LRRC38: variants seen among roughly 807,000 people sequenced by gnomAD.
LRRC38 encodes leucine rich repeat containing 38.
A neutral mutation model predicts 16.4 loss-of-function variants in LRRC38; 5 were observed. The observed-to-expected ratio is 0.31, with a 90% CI of 0.16 to 0.64. LRRC38 has a LOEUF of 0.64. Ranked by LOEUF, LRRC38 falls within the 30% of genes least tolerant of loss-of-function variation. The probability of loss-of-function intolerance (pLI) is 0.80; values close to 1 mark genes in which losing one functional copy is unlikely to be tolerated. For synonymous variants in LRRC38, 191 were observed against 190.2 expected (o/e 1.00, Z -0.04); for missense variants, 341 against 401.8 (o/e 0.85, Z 1.29).
chr1:13,504,917 C>T (rs1017866891), intron 1 of LRRC38, among the ~76,000 whole-genome samples: 2 of 151,956 alleles, frequency 1.3e-5, no homozygotes, highest in Non-Finnish European at 2.9e-5. Context: ...GTATGAGAAG[C>T]GGAGACAAGC....
At position 13,487,801 on chromosome 1, in the gene LRRC38, A is replaced by G. The variant is rs1435023577; in HGVS notation, c.632-11702T>C. On this transcript the variant is annotated intron_variant, in intron 1 of 1. Transcript: ENST00000376085. The surrounding 1 kb of genome is among the most constrained non-coding windows in gnomAD (Gnocchi z 4.4). ...TGCCAACAAACAGGCCTGCAGCCAG[A>G]GGATCTCTCAGGCCCTTTCCCCTGA... Among the ~76,000 whole-genome samples, 1 of 152,228 alleles carries G rather than the reference A, an allele frequency of 6.6e-6. No homozygotes were observed. Among genetic ancestry groups the G allele is most frequent in the Non-Finnish European group, 1.5e-5 (1 of 68,038 alleles).
In LRRC38 at chr1:13,513,401, C is replaced by T. The variant is rs1639300388; in HGVS notation, c.193G>A (p.Gly65Ser). Residue 65 changes from glycine to serine, a missense_variant, in exon 1 of 2, where the codon GGC becomes AGC. Coordinates refer to ENST00000376085, the MANE Select transcript of LRRC38 (RefSeq NM_001010847.2). ...TCGGGGATCCGCTGGATGCGGTTGC[C>T]GGCCACCAGCAGCTTGCGCACGTCC... is the stretch of plus-strand genomic sequence containing the variant. ...PLDVRKLLVAGNRIQRIPEDF... is the reference protein window; with the variant it reads ...PLDVRKLLVASNRIQRIPEDF... 3.9e-6 allele frequency: 6 copies of T among 1,550,418 alleles called. No homozygotes were observed. In the South Asian group the frequency reaches 5.9e-5, roughly 15 times the overall value.
At chr1:13,505,176 C>T (rs757805726) in intron 1 of LRRC38, among the ~76,000 whole-genome samples, 5 of 152,348 alleles carry the variant, frequency 3.3e-5, no homozygotes, top group South Asian at 2.1e-4. Context: ...CAGCCACTCC[C>T]GCTGTGCTTA....
rs147377632 is a variant in LRRC38, at chr1:13,509,196, C to T, written c.631+3767G>A. 2.1e-4 allele frequency among the ~76,000 whole-genome samples: 32 copies of T among 152,220 alleles called. No individual in the cohort carries two copies. The East Asian group carries it at 3.9e-3, about 18-fold the overall frequency. On this transcript the variant is annotated intron_variant, in intron 1 of 1. Coordinates refer to ENST00000376085, the MANE Select transcript of LRRC38 (RefSeq NM_001010847.2). ...GCCTTGCCCTCCCTACACCTCCATGCGTCAAGGTTGTAGAGCGAGAGAATC... is the reference window on the plus strand; with the variant it reads ...GCCTTGCCCTCCCTACACCTCCATGTGTCAAGGTTGTAGAGCGAGAGAATC...
chr1:13,504,800 CAGAG>C (rs1181737331), intron 1 of LRRC38, among the ~76,000 whole-genome samples: 7 of 107,804 alleles, frequency 6.5e-5, no homozygotes, highest in African/African-American at 2.6e-4. Flanking sequence ...AAAGAAGAGA[CAGAG>C]AGAAAGAAAG....
intron 1 of LRRC38, among the ~76,000 whole-genome samples, chr1:13,491,832 C>T (rs1185955896): frequency 2.6e-5 from 4 of 152,074 alleles, no homozygotes; most frequent in Admixed American, 6.6e-5. Context: ...TGTGCCACCA[C>T]GCCCAGCTAA....
chr1:13,496,187 T>G (rs60279084), intron 1 of LRRC38, among the ~76,000 whole-genome samples: 5,882 of 151,652 alleles, frequency 0.039, 408 homozygotes, highest in African/African-American at 0.13. Flanking sequence ...GAGAGAGAGA[T>G]AGAGTGTCTC....
intron 1 of LRRC38, among the ~76,000 whole-genome samples, chr1:13,510,477 C>A (rs1199308563): frequency 1.3e-5 from 2 of 152,154 alleles, no homozygotes; most frequent in African/African-American, 4.8e-5. Flanking sequence ...CCCTTTTAAT[C>A]CTCCTAACAA....
rs1024474878 is a variant in LRRC38, at chr1:13,499,983, T to G, written c.631+12980A>C. On this transcript the variant is annotated intron_variant, in intron 1 of 1. Coordinates refer to ENST00000376085, the MANE Select transcript of LRRC38 (RefSeq NM_001010847.2). ...CTACAAAGATTGGCTGGGCTTGGTCTCTCATGCCTGTAATCCCAGCACTTT... is the reference window on the plus strand; with the variant it reads ...CTACAAAGATTGGCTGGGCTTGGTCGCTCATGCCTGTAATCCCAGCACTTT... Among the ~76,000 whole-genome samples, 5 of 152,170 alleles carry G rather than the reference T, an allele frequency of 3.3e-5. 1 individual carries two copies. The South Asian group carries it at 1.0e-3, about 32-fold the overall frequency.
intron 1 of LRRC38, among the ~76,000 whole-genome samples, chr1:13,478,036 T>G (rs1446102630): frequency 6.6e-6 from 1 of 152,130 alleles, no homozygotes; most frequent in Admixed American, 6.6e-5. Flanking sequence ...ACCAAAGAAA[T>G]AGCTTATGTG....
intron 1 of LRRC38, among the ~76,000 whole-genome samples, chr1:13,480,600 C>A (rs1341026441): frequency 1.3e-5 from 2 of 152,150 alleles, no homozygotes; most frequent in African/African-American, 4.8e-5. Flanking sequence ...AATTGAATCA[C>A]GGGGTTGGTA....
intron 1 of LRRC38, among the ~76,000 whole-genome samples, chr1:13,497,384 A>G (rs796642381): frequency 3.3e-5 from 5 of 152,306 alleles, no homozygotes; most frequent in African/African-American, 1.2e-4. Context: ...GTTCTGACTC[A>G]GGAAGACACT....
chr1:13,495,714 C>T (rs1419824657), intron 1 of LRRC38, among the ~76,000 whole-genome samples: 1 of 152,136 alleles, frequency 6.6e-6, no homozygotes, highest in Non-Finnish European at 1.5e-5. Flanking sequence ...TGCTTGAATG[C>T]CCCTGGTGAT....
intron 1 of LRRC38, among the ~76,000 whole-genome samples, chr1:13,505,340 A>G (rs1265399883): frequency 1.3e-5 from 2 of 152,224 alleles, no homozygotes; most frequent in Non-Finnish European, 2.9e-5. Flanking sequence ...CAAGATCACA[A>G]CAACCCAACC....
intron 1 of LRRC38, among the ~76,000 whole-genome samples, chr1:13,486,085 C>T (rs965045808): frequency 2.0e-5 from 3 of 152,086 alleles, no homozygotes; most frequent in Non-Finnish European, 4.4e-5. Context: ...ATTACAGGCG[C>T]CCACCACCAC....
intron 1 of LRRC38, among the ~76,000 whole-genome samples, chr1:13,491,440 C>A (rs997994420): frequency 1.7e-4 from 26 of 152,250 alleles, no homozygotes; most frequent in African/African-American, 6.0e-4. Context: ...GATCCTCCCA[C>A]CTCAGTCTCC....
intron 1 of LRRC38, among the ~76,000 whole-genome samples, chr1:13,508,889 C>T (rs941635558): frequency 2.0e-5 from 3 of 152,158 alleles, no homozygotes; most frequent in African/African-American, 4.8e-5. Flanking sequence ...AGTGGAGCTT[C>T]GGGGAAATGG....
At chr1:13,508,852 T>C (rs1358178481) in intron 1 of LRRC38, among the ~76,000 whole-genome samples, 1 of 152,168 alleles carries the variant, frequency 6.6e-6, no homozygotes, top group Admixed American at 6.5e-5. Context: ...AACCAGGCCC[T>C]CACAGTGTCT....
chr1:13,495,718 T>C (rs533666458), intron 1 of LRRC38, among the ~76,000 whole-genome samples: 5 of 152,142 alleles, frequency 3.3e-5, no homozygotes, highest in Non-Finnish European at 4.4e-5. Context: ...TGAATGCCCC[T>C]GGTGATGGCA....
Sources: allele counts gnomAD v4.1 joint callset (sites outside exome capture counted in the v4.1 genomes callset), GRCh38; gene constraint gnomAD v4.1.1; non-coding constraint Gnocchi (gnomAD v3.1); transcripts MANE v1.5; gene names NCBI Gene and HGNC (gene_info 2026-07-23, HGNC 2026-07-21).